Variants in EPC2 observed in about 807,000 individuals in gnomAD.
The protein encoded by EPC2 is enhancer of polycomb 2.
In EPC2, 14 loss-of-function variants were observed where a neutral mutation model predicts 92.1. The observed-to-expected ratio is 0.15, with a 90% confidence interval of 0.10 to 0.24. The LOEUF is 0.24. Ranked by LOEUF, EPC2 falls within the 10% of genes least tolerant of loss-of-function variation. The pLI, the probability that EPC2 is intolerant of heterozygous loss-of-function variation, is 1.00. For missense variants in EPC2, 755 were observed against 971.5 expected (o/e 0.78, Z 2.96); for synonymous variants, 340 against 334.7 (o/e 1.02, Z -0.17).
At chr2:148,747,715 G>A (rs561187547) in intron 3 of EPC2, among the ~76,000 whole-genome samples, 26 of 152,140 alleles carry the variant, frequency 1.7e-4, no homozygotes, top group Non-Finnish European at 2.6e-4. Context: ...GAATGATGTT[G>A]ACCAGGACAT....
chr2:148,780,998 C>T (rs1490008130), intron 10 of EPC2, among the ~76,000 whole-genome samples: 1 of 152,168 alleles, frequency 6.6e-6, no homozygotes, highest in East Asian at 1.9e-4. Context: ...CAGTTGGTCG[C>T]AGTAGAATTT....
At chr2:148,702,067 T>A (rs547237810) in intron 2 of EPC2, among the ~76,000 whole-genome samples, 10 of 152,276 alleles carry the variant, frequency 6.6e-5, no homozygotes, top group African/African-American at 2.4e-4. Context: ...ATGACCACTA[T>A]TTCATTTTTG....
chr2:148,727,284 T>C (rs1253871191), intron 2 of EPC2, among the ~76,000 whole-genome samples: 3 of 152,218 alleles, frequency 2.0e-5, no homozygotes, highest in Non-Finnish European at 2.9e-5. Flanking sequence ...TCCATTGGTC[T>C]GTATGTCTGT....
intron 10 of EPC2, among the ~76,000 whole-genome samples, chr2:148,780,279 A>G (rs1355816067): frequency 2.0e-5 from 3 of 152,190 alleles, no homozygotes; most frequent in Non-Finnish European, 4.4e-5. Context: ...GTCCAATACA[A>G]ATTTTAATGG....
At chr2:148,779,860 A>G (rs573373530) in intron 10 of EPC2, among the ~76,000 whole-genome samples, 35 of 152,336 alleles carry the variant, frequency 2.3e-4, no homozygotes, top group Admixed American at 2.0e-3. Context: ...CCAGATTCCA[A>G]GTCCATTTCT....
chr2:148,714,753 G>C (rs981655790), intron 2 of EPC2, among the ~76,000 whole-genome samples: 11 of 151,338 alleles, frequency 7.3e-5, no homozygotes, highest in Admixed American at 5.9e-4. Flanking sequence ...CTTTTAATCA[G>C]GTTGTTTTTT....
At chr2:148,776,856 C>CATTTTTTTTT in intron 10 of EPC2, among the ~76,000 whole-genome samples, 1 of 101,030 alleles carries the variant, frequency 9.9e-6, no homozygotes, top group Admixed American at 1.2e-4. Context: ...GTCTCTCTCT[C>CATTTTTTTTT]TTTTTTTTTT....
At chr2:148,765,399 AT>A (rs981610274) in intron 7 of EPC2, among the ~76,000 whole-genome samples, 4 of 152,092 alleles carry the variant, frequency 2.6e-5, no homozygotes, top group Non-Finnish European at 5.9e-5. Context: ...ATGAACATAG[AT>A]TTTTTCCCTC....
At chr2:148,780,056 T>A (rs960171655) in intron 10 of EPC2, among the ~76,000 whole-genome samples, 2 of 152,136 alleles carry the variant, frequency 1.3e-5, no homozygotes, top group Admixed American at 1.3e-4. Flanking sequence ...ATTTAGAATT[T>A]AAAAAAAATT....
chr2:148,670,911 C>G (rs1161400746), intron 1 of EPC2, among the ~76,000 whole-genome samples: 1 of 152,154 alleles, frequency 6.6e-6, no homozygotes, highest in African/African-American at 2.4e-5. Context: ...GTCTTGAACT[C>G]CTAGGCTAAG....
At chr2:148,645,267 A>T (rs1438227466) in intron 1 of EPC2, 97 bp downstream of exon 1, 1 of 1,111,880 alleles carries the variant, frequency 9.0e-7, no homozygotes, top group East Asian at 2.8e-5. Context: ...CGCTCGCTGG[A>T]GGGCGCCGCT....
intron 2 of EPC2, among the ~76,000 whole-genome samples, chr2:148,718,497 G>A (rs1329904252): frequency 6.6e-6 from 1 of 152,146 alleles, no homozygotes; most frequent in Non-Finnish European, 1.5e-5. Flanking sequence ...TGCTTATGAA[G>A]CTTAGTTTGG....
chr2:148,761,711 A>G, intron 4 of EPC2, 71 bp from the exon 5 acceptor site: 1 of 1,082,690 alleles, frequency 9.2e-7, no homozygotes, highest in Non-Finnish European at 1.3e-6. Context: ...GTCTGATAAG[A>G]GTTTATTGAA....
At chr2:148,731,780 A>G (rs1218111632) in intron 2 of EPC2, among the ~76,000 whole-genome samples, 1 of 152,228 alleles carries the variant, frequency 6.6e-6, no homozygotes, top group Non-Finnish European at 1.5e-5. Context: ...AAACACCACC[A>G]TTGATAATTC....
intron 1 of EPC2, among the ~76,000 whole-genome samples, chr2:148,669,506 G>T (rs1199692220): frequency 6.6e-6 from 1 of 152,122 alleles, no homozygotes; most frequent in Non-Finnish European, 1.5e-5. Context: ...GCAAGACCCT[G>T]TCTCTACAAA....
chr2:148,669,664 T>G (rs969450449), intron 1 of EPC2, among the ~76,000 whole-genome samples: 1 of 152,130 alleles, frequency 6.6e-6, no homozygotes, highest in African/African-American at 2.4e-5. Context: ...CAAAAGAGTT[T>G]GAGGGACTAG....
rs116781852 is a variant in EPC2, at chr2:148,723,657, T to A, written c.314-19965T>A. Among the ~76,000 whole-genome samples, 1,089 of 152,350 alleles carry A rather than the reference T, an allele frequency of 7.1e-3. 6 individuals carry two copies. Among genetic ancestry groups the A allele is most frequent in the African/African-American group, 0.025 (1,023 of 41,584 alleles). ...GGGGTGGCAACTTCTAAGTTTCTTC[T>A]AAGTTTCTTACGTGCCTACCTGGAA... On this transcript the variant is annotated intron_variant, in intron 2 of 13. Coordinates refer to ENST00000258484, the MANE Select transcript of EPC2 (RefSeq NM_015630.4).
Position 148,666,731 on chromosome 2 carries a change from G to C in EPC2, c.153+21561G>C, listed in dbSNP as rs556929877. Among the ~76,000 whole-genome samples the C allele has an allele frequency of 2.6e-5, 4 of 152,330 alleles. No individual in the cohort carries two copies. In the East Asian group the frequency reaches 5.8e-4, roughly 22 times the overall value. ...TCATCAAACATCACCTGGGAACTTA[G>C]AAATGCCAGTTGTCTGGTTCCATCC... On this transcript the variant is annotated intron_variant, in intron 1 of 13. Coordinates refer to ENST00000258484, the MANE Select transcript of EPC2 (RefSeq NM_015630.4).
chr2:148,769,484 A>C (rs1486814057), intron 8 of EPC2, among the ~76,000 whole-genome samples: 7 of 152,174 alleles, frequency 4.6e-5, no homozygotes. Context: ...TTTGGGCTCT[A>C]ATTATAGCTT....
Sources: allele counts gnomAD v4.1 joint callset (sites outside exome capture counted in the v4.1 genomes callset), GRCh38; gene constraint gnomAD v4.1.1; transcripts MANE v1.5; gene names NCBI Gene and HGNC (gene_info 2026-07-23, HGNC 2026-07-21).